CFAP20DC: variants seen among roughly 807,000 people sequenced by gnomAD.
The protein encoded by CFAP20DC is protein CFAP20DC.
CFAP20DC carries 84 observed loss-of-function variants against 101.7 expected under a neutral mutation model. That is an observed-to-expected ratio of 0.83 (90% CI 0.69 to 0.99). The LOEUF is 0.99. Among genes scored for constraint, CFAP20DC ranks in the 50% least tolerant of loss-of-function variants. The pLI is 0.00. For missense variants in CFAP20DC, 1,007 were observed against 970.3 expected (o/e 1.04, Z -0.50); for synonymous variants, 359 against 351.2 (o/e 1.02, Z -0.25).
chr3:58,908,920 C>A (rs570475163), intron 6 of CFAP20DC, among the ~76,000 whole-genome samples: 22 of 152,190 alleles, frequency 1.4e-4, no homozygotes, highest in African/African-American at 5.3e-4. Flanking sequence ...ATACTATATA[C>A]TTTTAACTAT....
chr3:58,900,111 G>A (rs1195165030), intron 6 of CFAP20DC, among the ~76,000 whole-genome samples: 2 of 152,196 alleles, frequency 1.3e-5, no homozygotes, highest in Non-Finnish European at 1.5e-5. Context: ...GATAAAATGG[G>A]TGGGAGTGAT....
intron 4 of CFAP20DC, among the ~76,000 whole-genome samples, chr3:59,003,705 C>A (rs1020357850): frequency 1.3e-5 from 2 of 152,134 alleles, no homozygotes; most frequent in Non-Finnish European, 2.9e-5. Context: ...CAGACTATGC[C>A]TGATAATGGT....
chr3:58,736,768 G>T (rs1338327111), intron 3 of CFAP20DC, among the ~76,000 whole-genome samples: 1 of 152,200 alleles, frequency 6.6e-6, no homozygotes. Flanking sequence ...TTGGGCTGAT[G>T]AAAACCAATC....
At chr3:58,933,034 G>A (rs778534284) in intron 5 of CFAP20DC, among the ~76,000 whole-genome samples, 14 of 152,180 alleles carry the variant, frequency 9.2e-5, no homozygotes, top group Middle Eastern at 3.4e-3. Context: ...CCCATCTCAC[G>A]TGCAGAGACA....
chr3:58,817,327 C>T lies in CFAP20DC; in HGVS notation c.2176-10871G>A, dbSNP rs141227576. ...TGAGCTGAGAGAAGAAAGCTTCAGA[C>T]GATCAAATTACTCTGAGCTATGGGA... On this transcript the variant is annotated intron_variant, in intron 14 of 16. Coordinates refer to ENST00000482387, the MANE Select transcript of CFAP20DC (RefSeq NM_001394063.1). Among the ~76,000 whole-genome samples the T allele has an allele frequency of 8.4e-3, 1,274 of 152,114 alleles. 11 individuals are homozygous for T. The highest frequency in any genetic ancestry group is 0.012 in the Non-Finnish European group (803 of 67,980).
chr3:58,988,959 CTG>C lies in CFAP20DC; in HGVS notation c.278+50596_278+50597del, dbSNP rs144304074. ...AGTTCATTTCTAAAATATTTACATT[CTG>C]TGTTTTTTTAAAAACTATTTTTCCA... On this transcript the variant is annotated intron_variant, in intron 4 of 16. Transcript: ENST00000482387. 4.5e-3 allele frequency among the ~76,000 whole-genome samples: 684 copies of C among 152,124 alleles called. 5 individuals carry two copies. The highest frequency in any genetic ancestry group is 0.016 in the African/African-American group (669 of 41,524).
At position 58,864,702 on chromosome 3, in the gene CFAP20DC, C is replaced by A. The variant is rs142054745; in HGVS notation, c.1259-810G>T. Reference sequence around the variant, plus strand: ...GACAAGGTTGGCAGTCATTTCCTCTCTATTCTACTGATTCAAACAGGACAA... The same window carrying A: ...GACAAGGTTGGCAGTCATTTCCTCTATATTCTACTGATTCAAACAGGACAA... On this transcript the variant is annotated intron_variant, in intron 11 of 16. Coordinates refer to ENST00000482387, the MANE Select transcript of CFAP20DC (RefSeq NM_001394063.1). The surrounding 1 kb of genome is among the most constrained non-coding windows in gnomAD (Gnocchi z 4.7). Among the ~76,000 whole-genome samples, 129 of 152,292 alleles carry A rather than the reference C, an allele frequency of 8.5e-4. 1 individual carries two copies. The highest frequency in any genetic ancestry group is 2.9e-3 in the African/African-American group (122 of 41,568).
Position 58,934,229 on chromosome 3 carries a change from C to T in CFAP20DC, c.393+3419G>A, listed in dbSNP as rs536053259. ...CTCCCAAGACTAAACCAGGAAGAAG[C>T]TGAATCTCTGAATAGACCAATAACA... is the stretch of plus-strand genomic sequence containing the variant. On this transcript the variant is annotated intron_variant, in intron 5 of 16. Coordinates refer to ENST00000482387, the MANE Select transcript of CFAP20DC (RefSeq NM_001394063.1). 9.2e-5 allele frequency among the ~76,000 whole-genome samples: 14 copies of T among 152,166 alleles called. 1 individual carries two copies. The South Asian group carries it at 2.5e-3, about 27-fold the overall frequency.
intron 4 of CFAP20DC, among the ~76,000 whole-genome samples, chr3:59,032,222 G>A (rs2094008388): frequency 6.6e-6 from 1 of 152,018 alleles, no homozygotes; most frequent in South Asian, 2.1e-4. Flanking sequence ...GATTTCCTTG[G>A]GTGCCTACAC....
chr3:58,731,108 A>G (rs2067638003), intron 3 of CFAP20DC, among the ~76,000 whole-genome samples: 1 of 152,188 alleles, frequency 6.6e-6, no homozygotes, highest in African/African-American at 2.4e-5. Flanking sequence ...AAAAAATTAC[A>G]CTAATCTTAG....
At chr3:58,981,664 C>T (rs1335400884) in intron 4 of CFAP20DC, among the ~76,000 whole-genome samples, 1 of 152,146 alleles carries the variant, frequency 6.6e-6, no homozygotes, top group African/African-American at 2.4e-5. Flanking sequence ...ATGTAGAAAG[C>T]TGAAACTGGA....
chr3:58,819,388 C>T (rs1396330884), intron 14 of CFAP20DC, among the ~76,000 whole-genome samples: 2 of 151,968 alleles, frequency 1.3e-5, no homozygotes, highest in Non-Finnish European at 2.9e-5. Flanking sequence ...AATTGATAGA[C>T]CTCCAGCAAG....
intron 7 of CFAP20DC, among the ~76,000 whole-genome samples, chr3:58,870,591 A>T (rs1006324072): frequency 2.1e-5 from 3 of 146,100 alleles, no homozygotes; most frequent in African/African-American, 7.5e-5. Context: ...GTTTTTCTTT[A>T]AAAAAAAAAA....
chr3:58,994,203 T>C lies in CFAP20DC; in HGVS notation c.278+45354A>G, dbSNP rs530542758. On this transcript the variant is annotated intron_variant, in intron 4 of 16. Transcript: ENST00000482387. ...ACATGCACACAAACACATGTATACC[T>C]TGCAAGCTCAGCACACACTGAGCTT... is the stretch of plus-strand genomic sequence containing the variant. 3.2e-4 allele frequency among the ~76,000 whole-genome samples: 48 copies of C among 152,312 alleles called. No individual in the cohort carries two copies. The East Asian group carries it at 7.1e-3, about 23-fold the overall frequency.
At chr3:58,726,367 T>C (rs2067551863) in intron 3 of CFAP20DC, 1 of 152,422 alleles carries the variant, frequency 6.6e-6, no homozygotes. Flanking sequence ...CACAGCATGC[T>C]GTCATGGGCT....
At chr3:58,932,436 C>T (rs1002398902) in intron 5 of CFAP20DC, among the ~76,000 whole-genome samples, 7 of 151,936 alleles carry the variant, frequency 4.6e-5, no homozygotes, top group Non-Finnish European at 7.4e-5. Context: ...CACAAAGATA[C>T]TCCTCAAGAA....
At chr3:59,041,088 T>C (rs1485875435) in intron 3 of CFAP20DC, among the ~76,000 whole-genome samples, 2 of 152,100 alleles carry the variant, frequency 1.3e-5, no homozygotes, top group Non-Finnish European at 2.9e-5. Context: ...TGAATCTCTC[T>C]TGCATCTTGC....
chr3:58,924,875 CTTTT>C (rs372464074), intron 5 of CFAP20DC, among the ~76,000 whole-genome samples: 8 of 151,898 alleles, frequency 5.3e-5, no homozygotes, highest in African/African-American at 1.9e-4. Flanking sequence ...TGTTTGTCTT[CTTTT>C]GAGAAGTGCC....
At position 58,884,435 on chromosome 3, in the gene CFAP20DC, G is replaced by A. The variant is rs1395811562; in HGVS notation, c.715+110C>T. On this transcript the variant is annotated intron_variant, in intron 7 of 16. Transcript: ENST00000482387. ...GTATGTGGCAAGTATACTCTGTTAA[G>A]TGCGAAGGATATAGAAGAATGAGGT... 3.1e-6 allele frequency: 3 copies of A among 983,128 alleles called. No individual in the cohort carries two copies. The East Asian group carries it at 7.3e-5, about 24-fold the overall frequency. 60.9% of individuals were successfully genotyped at this position (983,128 alleles called of 1,614,324 possible). A position where few individuals can be genotyped will look rare whatever the true frequency, so the allele number is the denominator to read the frequency against.
Sources: allele counts gnomAD v4.1 joint callset (sites outside exome capture counted in the v4.1 genomes callset), GRCh38; gene constraint gnomAD v4.1.1; non-coding constraint Gnocchi (gnomAD v3.1); transcripts MANE v1.5; gene names NCBI Gene and HGNC (gene_info 2026-07-23, HGNC 2026-07-21).